Variants in TMEM132B observed in about 807,000 individuals in gnomAD.
The protein encoded by TMEM132B is transmembrane protein 132B.
Under a neutral mutation model 90.8 loss-of-function variants are expected in TMEM132B, and 18 were observed. The ratio of observed to expected loss-of-function variants is 0.20; its 90% confidence interval spans 0.14 to 0.29. TMEM132B has a LOEUF of 0.29. TMEM132B is among the 10% of genes least tolerant of loss of function. The probability of loss-of-function intolerance (pLI) is 1.00; values close to 1 mark genes in which losing one functional copy is unlikely to be tolerated. For missense variants in TMEM132B, 1,096 were observed against 1,326.8 expected (o/e 0.83, Z 2.70); for synonymous variants, 504 against 523.3 (o/e 0.96, Z 0.50).
intron 3 of TMEM132B, among the ~76,000 whole-genome samples, chr12:125,425,970 G>T (rs940395715): frequency 6.6e-6 from 1 of 152,148 alleles, no homozygotes. Context: ...GCCAAGGAGC[G>T]CAATTGCTGG....
chr12:125,535,756 C>G (rs1312924549), intron 4 of TMEM132B, among the ~76,000 whole-genome samples: 1 of 152,170 alleles, frequency 6.6e-6, no homozygotes, highest in East Asian at 1.9e-4. Context: ...GCATTTTCTC[C>G]AGAACCACCT....
At chr12:125,230,158 G>A (rs1873785246) in intron 1 of TMEM132B, among the ~76,000 whole-genome samples, 1 of 152,192 alleles carries the variant, frequency 6.6e-6, no homozygotes, top group Admixed American at 6.5e-5. Context: ...AGGTATTTTG[G>A]GAGGAGAGGA....
At chr12:125,481,158 A>G (rs1009032585) in intron 3 of TMEM132B, among the ~76,000 whole-genome samples, 4 of 152,234 alleles carry the variant, frequency 2.6e-5, no homozygotes, top group Non-Finnish European at 5.9e-5. Context: ...ATCATACTGA[A>G]TAGGCAAAAC....
intron 1 of TMEM132B, among the ~76,000 whole-genome samples, chr12:125,194,446 G>A (rs1872882231): frequency 6.6e-6 from 1 of 152,152 alleles, no homozygotes. Flanking sequence ...GCTGCAGCCG[G>A]CACTCCTGGG....
chr12:125,428,249 C>T (rs1880386386), intron 3 of TMEM132B, among the ~76,000 whole-genome samples: 2 of 152,056 alleles, frequency 1.3e-5, no homozygotes, highest in Non-Finnish European at 2.9e-5. Context: ...CTGCCTCAGC[C>T]TCCCAAAGTA....
intron 1 of TMEM132B, among the ~76,000 whole-genome samples, chr12:125,328,970 T>G: frequency 6.6e-6 from 1 of 152,190 alleles, no homozygotes; most frequent in East Asian, 1.9e-4. Flanking sequence ...TGGCTCTTAA[T>G]GGATACTGAA....
intron 1 of TMEM132B, among the ~76,000 whole-genome samples, chr12:125,243,506 A>G (rs113603899): frequency 0.027 from 4,170 of 152,098 alleles, 201 homozygotes; most frequent in African/African-American, 0.096. Flanking sequence ...GGGTTTGACC[A>G]TGTTGGCCAG....
At chr12:125,652,770 C>T (rs1238807271) in intron 8 of TMEM132B, 138 bp downstream of exon 8, 1 of 1,002,556 alleles carries the variant, frequency 1.0e-6, no homozygotes, top group East Asian at 2.7e-5. Context: ...CTTATCCAGG[C>T]CACCCTGTCT....
At chr12:125,396,881 C>T (rs1879183132) in intron 2 of TMEM132B, among the ~76,000 whole-genome samples, 2 of 152,124 alleles carry the variant, frequency 1.3e-5, no homozygotes, top group Admixed American at 6.5e-5. Context: ...GACTTTTCCA[C>T]GTTCACACAG....
chr12:125,428,848 T>C (rs1880411443), intron 3 of TMEM132B, among the ~76,000 whole-genome samples: 1 of 152,226 alleles, frequency 6.6e-6, no homozygotes, highest in Non-Finnish European at 1.5e-5. Flanking sequence ...CCATGCTATG[T>C]TGACCATGAG....
intron 3 of TMEM132B, among the ~76,000 whole-genome samples, chr12:125,455,855 G>A (rs1486016543): frequency 6.6e-6 from 1 of 152,118 alleles, no homozygotes; most frequent in East Asian, 1.9e-4. Flanking sequence ...TACTGTTGTG[G>A]AACTTTCCAG....
chr12:125,408,309 C>T lies in TMEM132B; in HGVS notation c.960-7222C>T, dbSNP rs566654788. 1.1e-4 allele frequency among the ~76,000 whole-genome samples: 16 copies of T among 152,260 alleles called. No homozygotes were observed. The highest frequency in any genetic ancestry group is 3.4e-3 in the Middle Eastern group (1 of 294). On this transcript the variant is annotated intron_variant, in intron 2 of 8. Coordinates refer to ENST00000682704, the MANE Select transcript of TMEM132B (RefSeq NM_001366854.1). This position sits in a 1 kb window ranked among gnomAD's most constrained non-coding sequence, Gnocchi z 5.9. ...TGAACGTCTGTATCCCCCACAAATT[C>T]GCATGTTGAAATTCTTATCCCCAAG...
chr12:125,243,975 TG>T (rs1874149894), intron 1 of TMEM132B, among the ~76,000 whole-genome samples: 1 of 152,208 alleles, frequency 6.6e-6, no homozygotes, highest in Non-Finnish European at 1.5e-5. Context: ...TCTCTGAGTT[TG>T]CCTATTCGGG....
At chr12:125,611,624 C>T (rs1885829766) in intron 5 of TMEM132B, among the ~76,000 whole-genome samples, 1 of 152,012 alleles carries the variant, frequency 6.6e-6, no homozygotes, top group African/African-American at 2.4e-5. Flanking sequence ...TCATTAACCT[C>T]ATAATGTTTT....
intron 4 of TMEM132B, among the ~76,000 whole-genome samples, chr12:125,532,222 G>T (rs924852095): frequency 1.3e-5 from 2 of 152,182 alleles, no homozygotes; most frequent in African/African-American, 4.8e-5. Context: ...AGCTAAGCAA[G>T]TTCGGGAAAG....
intron 1 of TMEM132B, among the ~76,000 whole-genome samples, chr12:125,313,536 ATTTCCCCCTCCCCTCCCG>A (rs1240687592): frequency 7.4e-5 from 1 of 13,446 alleles, no homozygotes; most frequent in Non-Finnish European, 1.4e-4. Context: ...ACCCCCTCCC[ATTTCCCCCTCCCCTCCCG>A]TTTCCCCCTC....
At chr12:125,327,097 C>A (rs1593085950) in intron 1 of TMEM132B, among the ~76,000 whole-genome samples, 1 of 152,120 alleles carries the variant, frequency 6.6e-6, no homozygotes, top group East Asian at 1.9e-4. Flanking sequence ...TCCACCAAGG[C>A]TCTCTTTCCC....
chr12:125,597,321 C>T (rs914417720), intron 5 of TMEM132B, among the ~76,000 whole-genome samples: 6 of 152,146 alleles, frequency 3.9e-5, no homozygotes, highest in Non-Finnish European at 7.3e-5. Flanking sequence ...GTTTTCAGCT[C>T]CTGCCTTGCC....
intron 2 of TMEM132B, among the ~76,000 whole-genome samples, chr12:125,358,667 G>T (rs771237386): frequency 2.0e-5 from 3 of 152,154 alleles, no homozygotes; most frequent in Non-Finnish European, 2.9e-5. Flanking sequence ...CCAGTGAAGT[G>T]CTCTGTCCTC....
Sources: allele counts gnomAD v4.1 joint callset (sites outside exome capture counted in the v4.1 genomes callset), GRCh38; gene constraint gnomAD v4.1.1; non-coding constraint Gnocchi (gnomAD v3.1); transcripts MANE v1.5; gene names NCBI Gene and HGNC (gene_info 2026-07-23, HGNC 2026-07-21).